The following PTK2 variants were observed in gnomAD, a reference collection of about 807,000 sequenced individuals.
PTK2 encodes the protein focal adhesion kinase 1.
A neutral mutation model predicts 150.1 loss-of-function variants in PTK2; 45 were observed. The observed-to-expected ratio is 0.30, with a 90% CI of 0.24 to 0.38. The LOEUF (loss-of-function observed/expected upper bound fraction) is 0.38. Among genes scored for constraint, PTK2 ranks in the 10% least tolerant of loss-of-function variants. The pLI, the probability that PTK2 is intolerant of heterozygous loss-of-function variation, is 1.00. For missense variants in PTK2, 919 were observed against 1,307.3 expected, an observed-to-expected ratio of 0.70 and a Z score of 4.58; for synonymous variants, 432 against 449.2, an observed-to-expected ratio of 0.96 and a Z score of 0.48.
chr8:140,902,921 G>GTTTTTTT (rs2100159114), intron 2 of PTK2, among the ~76,000 whole-genome samples: 1 of 66,782 alleles, frequency 1.5e-5, no homozygotes, highest in Non-Finnish European at 2.5e-5. Context: ...TCTGATGAGA[G>GTTTTTTT]TTGTTTTTTT....
At chr8:140,954,869 A>T (rs2154609204) in intron 1 of PTK2, 1 of 152,260 alleles carries the variant, frequency 6.6e-6, no homozygotes, top group Non-Finnish European at 1.5e-5. Context: ...TATAACCACC[A>T]TTATTTCACT....
At chr8:140,748,813 G>A (rs1199707059) in intron 17 of PTK2, among the ~76,000 whole-genome samples, 2 of 152,152 alleles carry the variant, frequency 1.3e-5, no homozygotes, top group Non-Finnish European at 2.9e-5. Flanking sequence ...GTAAGACACA[G>A]GACAGACTTC....
chr8:140,984,682 C>T (rs1169162631), intron 1 of PTK2, among the ~76,000 whole-genome samples: 2 of 152,216 alleles, frequency 1.3e-5, no homozygotes, highest in East Asian at 3.9e-4. Context: ...TGCTGGCAAG[C>T]TACCCCAGGT....
chr8:140,697,446 G>C (rs995827530), intron 26 of PTK2, among the ~76,000 whole-genome samples: 1 of 151,280 alleles, frequency 6.6e-6, no homozygotes, highest in Non-Finnish European at 1.5e-5. Context: ...GTGTGTGTGT[G>C]TGTGTGTGTT....
At chr8:140,684,777 A>G (rs1467608952) in intron 27 of PTK2, among the ~76,000 whole-genome samples, 1 of 152,150 alleles carries the variant, frequency 6.6e-6, no homozygotes, top group Non-Finnish European at 1.5e-5. Flanking sequence ...TATAATGGTC[A>G]TACCGCCCAA....
intron 10 of PTK2, among the ~76,000 whole-genome samples, chr8:140,811,472 C>T (rs185505468): frequency 2.0e-5 from 3 of 152,344 alleles, no homozygotes; most frequent in Admixed American, 2.0e-4. Context: ...GAAAGAACCA[C>T]TGCAAGAAAT....
At chr8:140,723,448 G>A (rs2100044124) in intron 22 of PTK2, among the ~76,000 whole-genome samples, 1 of 152,164 alleles carries the variant, frequency 6.6e-6, no homozygotes, top group Non-Finnish European at 1.5e-5. Context: ...AAAAATATCT[G>A]TTTTTACAAT....
intron 1 of PTK2, among the ~76,000 whole-genome samples, chr8:140,989,651 G>GT (rs918352032): frequency 1.3e-5 from 2 of 152,072 alleles, no homozygotes; most frequent in Non-Finnish European, 2.9e-5. Context: ...GCTCACACCT[G>GT]TAATCCCAGC....
chr8:140,675,655 G>A, intron 27 of PTK2, 156 bp from the exon 31 acceptor site: 2 of 601,788 alleles, frequency 3.3e-6, no homozygotes, highest in Non-Finnish European at 2.9e-6. Flanking sequence ...TCTCAGTTGG[G>A]GTGGGGGATC....
intron 10 of PTK2, among the ~76,000 whole-genome samples, chr8:140,814,226 T>TA (rs1377011516): frequency 6.6e-6 from 1 of 152,126 alleles, no homozygotes; most frequent in Non-Finnish European, 1.5e-5. Flanking sequence ...ACCAGACGTA[T>TA]ACAGATGAGC....
At chr8:140,809,228 G>A (rs888982233) in intron 10 of PTK2, among the ~76,000 whole-genome samples, 1 of 152,070 alleles carries the variant, frequency 6.6e-6, no homozygotes, top group African/African-American at 2.4e-5. Context: ...TACAAAAACA[G>A]AATGAAGAAA....
chr8:140,895,525 TA>T (rs60850146), intron 2 of PTK2, among the ~76,000 whole-genome samples: 89 of 145,370 alleles, frequency 6.1e-4, no homozygotes, highest in African/African-American at 8.1e-4. Context: ...CTGTCTCCTT[TA>T]AAAAAAAAAA....
At chr8:140,751,479 T>C (rs1240304183) in intron 17 of PTK2, among the ~76,000 whole-genome samples, 7 of 151,878 alleles carry the variant, frequency 4.6e-5, no homozygotes, top group African/African-American at 1.7e-4. Flanking sequence ...TTTGGGTGAT[T>C]TGTTCTTTTT....
At chr8:140,820,120 A>ATTTTTTTTTTTTTTTC (rs2100107506) in intron 8 of PTK2, among the ~76,000 whole-genome samples, 1 of 22,312 alleles carries the variant, frequency 4.5e-5, no homozygotes, top group Admixed American at 6.9e-4. Flanking sequence ...TTTTTTTTTA[A>ATTTTTTTTTTTTTTTC]ATAGGGTCTC....
At chr8:140,716,494 G>A (rs923299200) in intron 23 of PTK2, among the ~76,000 whole-genome samples, 12 of 152,060 alleles carry the variant, frequency 7.9e-5, no homozygotes, top group East Asian at 1.9e-4. Context: ...TCTGGGCCTC[G>A]GTCCTTCTCT....
intron 8 of PTK2, among the ~76,000 whole-genome samples, chr8:140,829,143 G>A (rs1311467383): frequency 6.6e-6 from 1 of 152,202 alleles, no homozygotes; most frequent in Non-Finnish European, 1.5e-5. Flanking sequence ...AAGAGAGCCT[G>A]AAATAAAGAG....
At chr8:140,744,057 A>C (rs2100057279) in intron 19 of PTK2, among the ~76,000 whole-genome samples, 1 of 75,826 alleles carries the variant, frequency 1.3e-5, no homozygotes, top group South Asian at 4.2e-4. Context: ...GACTACAGCT[A>C]TGAGCCACCG....
chr8:140,721,373 G>A (rs2100042881), intron 22 of PTK2, among the ~76,000 whole-genome samples: 1 of 152,120 alleles, frequency 6.6e-6, no homozygotes, highest in Admixed American at 6.6e-5. Context: ...CTTTGAACTT[G>A]ACAAATGTAA....
At chr8:140,732,697 G>A (rs759576127) in intron 22 of PTK2, 4 of 409,114 alleles carry the variant, frequency 9.8e-6, no homozygotes, top group Non-Finnish European at 2.0e-5. Flanking sequence ...ACCAGGCTCA[G>A]CTACTGTAGG....
Sources: gnomAD v4.1 joint callset for allele counts (sites outside exome capture counted in the v4.1 genomes callset) on GRCh38, gnomAD v4.1.1 for gene constraint, MANE v1.5 for transcripts, NCBI Gene and HGNC (gene_info 2026-07-23, HGNC 2026-07-21) for gene names.